Variants in MACROD2 observed in about 807,000 individuals in gnomAD.
The protein encoded by MACROD2 is ADP-ribose glycohydrolase MACROD2.
Under a neutral mutation model 70.4 loss-of-function variants are expected in MACROD2, and 36 were observed. That is an observed-to-expected ratio of 0.51 (90% confidence interval 0.39 to 0.68). The LOEUF is 0.68. MACROD2 is among the 30% of genes least tolerant of loss of function. The probability of loss-of-function intolerance (pLI) is 0.00; values close to 1 mark genes in which losing one functional copy is unlikely to be tolerated. For synonymous variants in MACROD2, 172 were observed against 178.8 expected (o/e 0.96, Z 0.30); for missense variants, 496 against 538.4 (o/e 0.92, Z 0.78).
intron 7 of MACROD2, among the ~76,000 whole-genome samples, chr20:15,468,482 A>C (rs1265969462): frequency 6.6e-6 from 1 of 152,154 alleles, no homozygotes; most frequent in East Asian, 1.9e-4. Flanking sequence ...CTTAGGATGT[A>C]TTATGGCATT....
At chr20:14,517,547 G>T (rs147519270) in intron 4 of MACROD2, among the ~76,000 whole-genome samples, 298 of 152,192 alleles carry the variant, frequency 2.0e-3, no homozygotes, top group African/African-American at 6.8e-3. Flanking sequence ...GTGGGTGGGG[G>T]ACTAGGGGAG....
At chr20:15,257,207 A>G (rs2146037660) in intron 6 of MACROD2, among the ~76,000 whole-genome samples, 1 of 152,164 alleles carries the variant, frequency 6.6e-6, no homozygotes, top group South Asian at 2.1e-4. Flanking sequence ...GAAACACCAG[A>G]TGAGAAAAGC....
rs74594761 is a variant in MACROD2 at position 15,945,840 on chromosome 20, C to A, written c.907+8296C>A. Among the ~76,000 whole-genome samples, 1,588 of 152,248 alleles carry A rather than the reference C, an allele frequency of 0.01. 50 individuals are homozygous for A. The East Asian group carries it at 0.14, about 13-fold the overall frequency. On this transcript the variant is annotated intron_variant, in intron 12 of 17. Transcript: ENST00000684519. Reference sequence around the variant, plus strand: ...AACCCAAAGCCCATGCATTTTCTATCCACCATGCTGCCTCCCGTATCATGA... The same window carrying A: ...AACCCAAAGCCCATGCATTTTCTATACACCATGCTGCCTCCCGTATCATGA...
At chr20:15,624,251 GC>G (rs2049170307) in intron 8 of MACROD2, among the ~76,000 whole-genome samples, 1 of 152,184 alleles carries the variant, frequency 6.6e-6, no homozygotes. Context: ...CTTTCTGCCT[GC>G]CTTTTCTAGC....
intron 5 of MACROD2, among the ~76,000 whole-genome samples, chr20:14,861,486 C>A (rs2073316255): frequency 6.6e-6 from 1 of 151,964 alleles, no homozygotes; most frequent in African/African-American, 2.4e-5. Flanking sequence ...GAAAGAAATA[C>A]CCTGACCTTC....
At chr20:15,812,246 G>A (rs568051909) in intron 8 of MACROD2, among the ~76,000 whole-genome samples, 2 of 152,292 alleles carry the variant, frequency 1.3e-5, no homozygotes, top group African/African-American at 4.8e-5. Context: ...TGCCTATTGA[G>A]TTGAATTGAG....
At chr20:14,256,731 T>C (rs2082059833) in intron 3 of MACROD2, among the ~76,000 whole-genome samples, 1 of 152,160 alleles carries the variant, frequency 6.6e-6, no homozygotes, top group Admixed American at 6.6e-5. Flanking sequence ...TTCATTTTTA[T>C]CCCGTTTAAG....
chr20:14,654,192 C>T lies in MACROD2; in HGVS notation c.302-30651C>T, dbSNP rs138440066. On this transcript the variant is annotated intron_variant, in intron 4 of 17. Transcript: ENST00000684519. Reference sequence around the variant, plus strand: ...ACCAAAAGTGCTATATTTTTGTAAACCACTCTCATGGTAGCCACATCAGTT... The same window carrying T: ...ACCAAAAGTGCTATATTTTTGTAAATCACTCTCATGGTAGCCACATCAGTT... 5.0e-3 allele frequency among the ~76,000 whole-genome samples: 758 copies of T among 151,988 alleles called. 7 individuals are homozygous for T. The highest frequency in any genetic ancestry group is 0.017 in the African/African-American group (707 of 41,462).
In MACROD2 at chr20:14,999,244, T is replaced by C. The variant is rs184760478; in HGVS notation, c.419-230696T>C. On this transcript the variant is annotated intron_variant, in intron 5 of 17. Coordinates refer to ENST00000684519, the MANE Select transcript of MACROD2 (RefSeq NM_001351661.2). Reference sequence around the variant, plus strand: ...AAGTACACAGACAAATGCAGAATAGTATAACACTCATTGTGGTGTGTAATG... The same window carrying C: ...AAGTACACAGACAAATGCAGAATAGCATAACACTCATTGTGGTGTGTAATG... 2.9e-4 allele frequency among the ~76,000 whole-genome samples: 44 copies of C among 152,330 alleles called. 1 individual carries two copies. The highest frequency in any genetic ancestry group is 5.7e-4 in the Non-Finnish European group (39 of 68,032).
chr20:14,471,923 T>C (rs1041685486), intron 3 of MACROD2, among the ~76,000 whole-genome samples: 1 of 152,100 alleles, frequency 6.6e-6, no homozygotes, highest in Admixed American at 6.5e-5. Flanking sequence ...ATAAAAGAAA[T>C]AAAATCAGCA....
intron 5 of MACROD2, among the ~76,000 whole-genome samples, chr20:15,228,080 G>A: frequency 6.6e-6 from 1 of 151,908 alleles, no homozygotes; most frequent in East Asian, 1.9e-4. Context: ...AGAAACTAAA[G>A]TACAATATTC....
At chr20:14,492,387 G>A (rs1413600655) in intron 3 of MACROD2, among the ~76,000 whole-genome samples, 4 of 152,002 alleles carry the variant, frequency 2.6e-5, no homozygotes, top group Admixed American at 6.6e-5. Context: ...AATAGCATTT[G>A]GTCTCTATGT....
chr20:15,996,805 A>C (rs1046724123), intron 15 of MACROD2, among the ~76,000 whole-genome samples: 5 of 152,006 alleles, frequency 3.3e-5, no homozygotes, highest in African/African-American at 1.2e-4. Context: ...GTTTTTTCCT[A>C]TGTCTTTTAT....
chr20:14,128,043 CT>C, intron 3 of MACROD2: 1 of 562,230 alleles, frequency 1.8e-6, no homozygotes. Context: ...GGTGATTTTA[CT>C]TTGTAACCTG....
rs6110581 is a variant in MACROD2 at position 15,375,209 on chromosome 20, G to C, written c.541-56196G>C. On this transcript the variant is annotated intron_variant, in intron 6 of 17. Transcript: ENST00000684519. ...AATTTATCATTATTTTAAAGTAATT[G>C]GTCTACTCAGTAGCATAACACTTAC... is the stretch of plus-strand genomic sequence containing the variant. 8.2e-3 allele frequency among the ~76,000 whole-genome samples: 1,251 copies of C among 152,130 alleles called. 14 individuals carry two copies. The highest frequency in any genetic ancestry group is 0.029 in the African/African-American group (1,193 of 41,494).
intron 3 of MACROD2, among the ~76,000 whole-genome samples, chr20:14,383,309 T>G (rs202194447): frequency 0.082 from 32 of 390 alleles, no homozygotes; most frequent in Non-Finnish European, 0.36. Flanking sequence ...CGTTTTTTGT[T>G]TTTTTTTTTG....
chr20:14,799,825 G>C (rs1308460470), intron 5 of MACROD2, among the ~76,000 whole-genome samples: 1 of 152,078 alleles, frequency 6.6e-6, no homozygotes. Flanking sequence ...GCAACAAAAA[G>C]CCATTAACTT....
intron 5 of MACROD2, among the ~76,000 whole-genome samples, chr20:14,688,186 T>G (rs1263917589): frequency 1.3e-5 from 2 of 152,182 alleles, no homozygotes; most frequent in African/African-American, 4.8e-5. Context: ...ATCTGTCCTC[T>G]GAGACAGCGG....
intron 3 of MACROD2, among the ~76,000 whole-genome samples, chr20:14,270,259 AAGG>A (rs1190485277): frequency 1.3e-5 from 2 of 152,222 alleles, no homozygotes; most frequent in African/African-American, 4.8e-5. Flanking sequence ...GTGTGTATAA[AAGG>A]AGTGATTCCA....
Sources: gnomAD v4.1 joint callset for allele counts (sites outside exome capture counted in the v4.1 genomes callset) on GRCh38, gnomAD v4.1.1 for gene constraint, MANE v1.5 for transcripts, NCBI Gene and HGNC (gene_info 2026-07-23, HGNC 2026-07-21) for gene names.